Variants in ENPP2 observed in about 807,000 individuals in gnomAD.
The protein encoded by ENPP2 is ectonucleotide pyrophosphatase/phosphodiesterase 2.
In ENPP2, 51 loss-of-function variants were observed where a neutral mutation model predicts 120.2. The observed-to-expected ratio is 0.42, with a 90% CI of 0.34 to 0.54. The LOEUF is 0.54. Among genes scored for constraint, ENPP2 ranks in the 20% least tolerant of loss-of-function variants. ENPP2 has a pLI of 0.04. For missense variants in ENPP2, 920 were observed against 1,066.5 expected (o/e 0.86, Z 1.91); for synonymous variants, 365 against 366.4 (o/e 1.00, Z 0.04).
At chr8:119,589,186 A>G (rs1335372547) in intron 13 of ENPP2, among the ~76,000 whole-genome samples, 18 of 152,214 alleles carry the variant, frequency 1.2e-4, no homozygotes, top group Non-Finnish European at 2.4e-4. Flanking sequence ...TTATGTAAAC[A>G]CAATCTCTTG....
chr8:119,605,746 C>T lies in ENPP2; in HGVS notation c.833+2176G>A, dbSNP rs1483465188. Among the ~76,000 whole-genome samples the T allele has an allele frequency of 7.9e-5, 12 of 151,654 alleles. No individual in the cohort carries two copies. In the East Asian group the frequency reaches 2.3e-3, roughly 29 times the overall value. ...GCCCCCAAAGTGCTGGGATTACAGGCGTGAGCCACCATACCCAGCCGAAGA... is the reference window on the plus strand; with the variant it reads ...GCCCCCAAAGTGCTGGGATTACAGGTGTGAGCCACCATACCCAGCCGAAGA... On this transcript the variant is annotated intron_variant, in intron 9 of 24. Coordinates refer to ENST00000075322, the MANE Select transcript of ENPP2 (RefSeq NM_001040092.3).
chr8:119,666,152 T>C (rs1818062211), intron 1 of ENPP2, among the ~76,000 whole-genome samples: 1 of 152,244 alleles, frequency 6.6e-6, no homozygotes, highest in African/African-American at 2.4e-5. Context: ...GACGGGATAT[T>C]CATTAATGAG....
intron 11 of ENPP2, 59 bp downstream of exon 11, chr8:119,600,619 C>A: frequency 9.8e-7 from 1 of 1,020,690 alleles, no homozygotes; most frequent in South Asian, 1.3e-5. Flanking sequence ...GAAATAAAGT[C>A]AGTAGATCAG....
chr8:119,604,177 G>A (rs926055384), intron 9 of ENPP2, among the ~76,000 whole-genome samples: 3 of 151,946 alleles, frequency 2.0e-5, no homozygotes, highest in Non-Finnish European at 4.4e-5. Context: ...AAAGGTGCCT[G>A]CCACCACGCC....
At chr8:119,653,285 A>G (rs1237399147) in intron 1 of ENPP2, among the ~76,000 whole-genome samples, 3 of 152,222 alleles carry the variant, frequency 2.0e-5, no homozygotes, top group Non-Finnish European at 4.4e-5. Flanking sequence ...CACCTAGTAT[A>G]CGTCAAGCAT....
chr8:119,645,290 CACA>C (rs763092065), intron 1 of ENPP2, among the ~76,000 whole-genome samples: 11 of 152,340 alleles, frequency 7.2e-5, no homozygotes, highest in South Asian at 2.1e-4. Context: ...CAGCTACCTA[CACA>C]ACAAGTTCAC....
intron 19 of ENPP2, among the ~76,000 whole-genome samples, chr8:119,579,566 T>TTC (rs1812584146): frequency 6.7e-6 from 1 of 148,362 alleles, no homozygotes; most frequent in African/African-American, 2.5e-5. Context: ...AATCACTAAT[T>TTC]TTTTTTTTTT....
chr8:119,633,589 AT>A lies in ENPP2; in HGVS notation c.136+4835del, dbSNP rs1169593394. 2.6e-5 allele frequency among the ~76,000 whole-genome samples: 4 copies of A among 152,036 alleles called. 1 individual carries two copies. The highest frequency in any genetic ancestry group is 9.7e-5 in the African/African-American group (4 of 41,332). On this transcript the variant is annotated intron_variant, in intron 2 of 24. Transcript: ENST00000075322. The stretch of plus-strand genomic sequence containing the variant: ...TGCCCAGCTCTAGAGTTAATACTGT[AT>A]TATGCCTCTTCTGGAGTATATGGTT...
chr8:119,665,924 C>T (rs535628334), intron 1 of ENPP2, among the ~76,000 whole-genome samples: 1 of 152,118 alleles, frequency 6.6e-6, no homozygotes, highest in African/African-American at 2.4e-5. Context: ...CTTTTTGCAA[C>T]ATCAAAAATG....
intron 19 of ENPP2, among the ~76,000 whole-genome samples, chr8:119,578,797 G>T (rs1318919394): frequency 2.0e-5 from 3 of 152,206 alleles, no homozygotes; most frequent in Non-Finnish European, 4.4e-5. Context: ...GAGTCTGTGT[G>T]TTCTGTGATC....
chr8:119,625,809 T>G (rs1345971792), intron 3 of ENPP2, among the ~76,000 whole-genome samples: 9 of 152,144 alleles, frequency 5.9e-5, no homozygotes, highest in Admixed American at 5.2e-4. Flanking sequence ...TTTTCTCAAC[T>G]CATGTGCATT....
intron 1 of ENPP2, among the ~76,000 whole-genome samples, chr8:119,654,136 A>C (rs1044945168): frequency 7.0e-6 from 1 of 142,942 alleles, no homozygotes; most frequent in Non-Finnish European, 1.5e-5. Flanking sequence ...TTATATACAG[A>C]GATATAATAT....
chr8:119,571,249 G>A (rs1196692111), intron 19 of ENPP2: 2 of 153,998 alleles, frequency 1.3e-5, no homozygotes, highest in African/African-American at 2.4e-5. Context: ...ATTTAATTAA[G>A]AAGAAGGCAC....
intron 1 of ENPP2, among the ~76,000 whole-genome samples, chr8:119,645,485 G>A (rs1817416076): frequency 6.6e-6 from 1 of 152,104 alleles, no homozygotes. Context: ...ATGTGATAAT[G>A]TTTAGGTTCA....
At chr8:119,634,508 T>G (rs570427290) in intron 2 of ENPP2, among the ~76,000 whole-genome samples, 1 of 152,220 alleles carries the variant, frequency 6.6e-6, no homozygotes, top group African/African-American at 2.4e-5. Flanking sequence ...TATCATATAC[T>G]TAACACCTTA....
chr8:119,559,846 G>A (rs1013639524), intron 24 of ENPP2, among the ~76,000 whole-genome samples: 10 of 152,130 alleles, frequency 6.6e-5, no homozygotes, highest in African/African-American at 2.4e-4. Context: ...GTGAATTCAA[G>A]TCCCAGAAGT....
intron 24 of ENPP2, among the ~76,000 whole-genome samples, chr8:119,559,108 C>T (rs1813710396): frequency 6.6e-6 from 1 of 152,124 alleles, no homozygotes; most frequent in African/African-American, 2.4e-5. Flanking sequence ...CCTAACCCAA[C>T]CTAACCAAGA....
intron 22 of ENPP2, among the ~76,000 whole-genome samples, chr8:119,567,110 T>C (rs1484212974): frequency 1.3e-5 from 2 of 152,164 alleles, no homozygotes; most frequent in Admixed American, 6.5e-5. Context: ...AGCCTGAACC[T>C]CCTCCATCAA....
At chr8:119,612,128 G>A (rs1815154148) in intron 8 of ENPP2, among the ~76,000 whole-genome samples, 1 of 152,148 alleles carries the variant, frequency 6.6e-6, no homozygotes, top group South Asian at 2.1e-4. Context: ...GGAAATGCTG[G>A]GGGAAGGAAG....
Sources: allele counts gnomAD v4.1 joint callset (sites outside exome capture counted in the v4.1 genomes callset), GRCh38; gene constraint gnomAD v4.1.1; transcripts MANE v1.5; gene names NCBI Gene and HGNC (gene_info 2026-07-23, HGNC 2026-07-21).